The following HEPH variants were observed in gnomAD, a reference collection of about 807,000 sequenced individuals.
HEPH encodes the protein hephaestin.
Under a neutral mutation model 80.8 loss-of-function variants are expected in HEPH, and 69 were observed. The observed-to-expected ratio is 0.85, with a 90% CI of 0.70 to 1.04. The LOEUF is 1.04. Among genes scored for constraint, HEPH ranks in the 50% least tolerant of loss-of-function variants. The pLI is 0.00. For missense variants in HEPH, 1,115 were observed against 891.3 expected, an observed-to-expected ratio of 1.25 and a Z score of -3.20; for synonymous variants, 431 against 322.8, an observed-to-expected ratio of 1.34 and a Z score of -3.60.
intron 15 of HEPH, among the ~76,000 whole-genome samples, chrX:66,223,931 C>A (rs1344967013): frequency 6.3e-5 from 7 of 111,329 alleles, no homozygotes; most frequent in African/African-American, 2.3e-4. Context: ...ACATTTTTCT[C>A]TTTCACGACT....
chrX:66,260,411 G>T (rs1269806992), intron 19 of HEPH, 149 bp downstream of exon 19: 1 of 428,697 alleles, frequency 2.3e-6, no homozygotes, highest in African/African-American at 2.4e-5. Flanking sequence ...TCTAGGTATT[G>T]CCCCAACCAG....
chrX:66,214,972 A>G (rs1000502636), intron 15 of HEPH, among the ~76,000 whole-genome samples: 3 of 111,602 alleles, frequency 2.7e-5, no homozygotes, highest in Non-Finnish European at 5.7e-5. Flanking sequence ...TTATTTTTCC[A>G]TATAGATTTT....
At chrX:66,168,233 G>C (rs532499206) in intron 1 of HEPH, among the ~76,000 whole-genome samples, 2 of 111,911 alleles carry the variant, frequency 1.8e-5, no homozygotes, top group Admixed American at 9.5e-5. Flanking sequence ...ATTAACCCTT[G>C]GAGTAGGAAT....
chrX:66,223,989 A>T (rs2089768853), intron 15 of HEPH, among the ~76,000 whole-genome samples: 1 of 111,343 alleles, frequency 9.0e-6, no homozygotes, highest in South Asian at 3.7e-4. Flanking sequence ...CTTATTACAA[A>T]CATTTCTTTC....
At chrX:66,190,175 A>G (rs2087714677) in intron 6 of HEPH, among the ~76,000 whole-genome samples, 1 of 109,163 alleles carries the variant, frequency 9.2e-6, no homozygotes, top group African/African-American at 3.3e-5. Context: ...CATCTTGAAC[A>G]TAAGACAGCC....
chrX:66,234,295 T>TAA (rs1230423438), intron 15 of HEPH, among the ~76,000 whole-genome samples: 1 of 108,184 alleles, frequency 9.2e-6, no homozygotes, highest in South Asian at 3.9e-4. Flanking sequence ...CTTCTTTTTT[T>TAA]AAAAAAAAAA....
intron 15 of HEPH, among the ~76,000 whole-genome samples, chrX:66,251,519 A>AT (rs369514346): frequency 1.8e-4 from 20 of 110,199 alleles, no homozygotes; most frequent in South Asian, 3.8e-4. Flanking sequence ...TGTCCGTTCA[A>AT]TTTTTTTTTG....
intron 8 of HEPH, among the ~76,000 whole-genome samples, chrX:66,194,660 A>G (rs895409874): frequency 8.9e-6 from 1 of 111,754 alleles, no homozygotes; most frequent in African/African-American, 3.3e-5. Flanking sequence ...GATCTTAGAT[A>G]GGTCCACAAA....
chrX:66,188,639 T>C (rs1036142959), intron 5 of HEPH, 98 bp downstream of exon 5: 34 of 707,111 alleles, frequency 4.8e-5, no homozygotes, highest in Non-Finnish European at 3.5e-5. Flanking sequence ...TACATAGTCC[T>C]TTTTAGTCAT....
chrX:66,239,575 A>G (rs1422287361), intron 15 of HEPH, among the ~76,000 whole-genome samples: 1 of 111,249 alleles, frequency 9.0e-6, no homozygotes, highest in Non-Finnish European at 1.9e-5. Flanking sequence ...TAGATATTTT[A>G]ATTGTTGTTC....
At chrX:66,268,087 A>G (rs929388253), downstream of HEPH, 2 of 112,298 alleles carry the variant, frequency 1.8e-5, no homozygotes, top group Non-Finnish European at 3.8e-5. Flanking sequence ...ACAAAAGCTT[A>G]TGGACATTAA....
At chrX:66,222,505 GTTTGT>G (rs1343517358) in intron 15 of HEPH, among the ~76,000 whole-genome samples, 6 of 112,097 alleles carry the variant, frequency 5.4e-5, no homozygotes, top group Non-Finnish European at 1.1e-4. Context: ...AATTGCCAAA[GTTTGT>G]TTTAAGTCTT....
chrX:66,241,451 G>A (rs761858404), intron 15 of HEPH, among the ~76,000 whole-genome samples: 2 of 111,481 alleles, frequency 1.8e-5, no homozygotes, highest in African/African-American at 3.3e-5. Context: ...AAGAGCTGAG[G>A]TAGCTATTAT....
chrX:66,243,461 T>C (rs903441811), intron 15 of HEPH, among the ~76,000 whole-genome samples: 1 of 112,763 alleles, frequency 8.9e-6, no homozygotes, highest in Non-Finnish European at 1.9e-5. Flanking sequence ...GTTTAAAGTC[T>C]GTTTTGTCTG....
At chrX:66,199,912 T>C (rs890407522) in intron 11 of HEPH, among the ~76,000 whole-genome samples, 1 of 109,761 alleles carries the variant, frequency 9.1e-6, no homozygotes, top group Admixed American at 9.7e-5. Context: ...CAGAGAAAAA[T>C]AGAGCTCACA....
chrX:66,175,208 C>T (rs2086749729), intron 4 of HEPH, among the ~76,000 whole-genome samples: 1 of 111,858 alleles, frequency 8.9e-6, no homozygotes, highest in African/African-American at 3.2e-5. Flanking sequence ...CGTTAAGGAT[C>T]CAGTTTCTCT....
intron 19 of HEPH, among the ~76,000 whole-genome samples, chrX:66,260,811 G>A (rs867629236): frequency 1.8e-5 from 2 of 109,593 alleles, no homozygotes; most frequent in Non-Finnish European, 3.8e-5. Context: ...CTGTCACCCA[G>A]GCTGGAGTGC....
chrX:66,173,810 C>T lies in HEPH; in HGVS notation c.625+9C>T. On this transcript the variant is annotated intron_variant, in intron 4 of 20. Transcript: ENST00000343002. ...CATCACCTGTAAAAGAGGTACAGGT[C>T]CCAAGGATAAGCTATGAGGTGTAGT... 3 of 1,146,985 alleles carry T rather than the reference C, an allele frequency of 2.6e-6. No individual in the cohort carries two copies. The highest frequency in any genetic ancestry group is 2.5e-5 in the Admixed American group (1 of 40,315). 94.5% of individuals were successfully genotyped at this position (1,146,985 alleles called of 1,213,427 possible).
Position 66,266,872 on chromosome X carries a change from C to T in HEPH, c.*200C>T. 2.4e-6 allele frequency: 1 copy of T among 411,350 alleles called. No homozygotes were observed. The highest frequency in any genetic ancestry group is 4.2e-6 in the Non-Finnish European group (1 of 237,970). The allele number at this position is 411,350 out of a possible 1,213,427, so 33.9% of individuals were successfully genotyped here. A position where few individuals can be genotyped will look rare whatever the true frequency, so the allele number is the denominator to read the frequency against. On this transcript the variant is annotated 3_prime_UTR_variant, in exon 21 of 21. Coordinates refer to ENST00000343002, the MANE Select transcript of HEPH (RefSeq NM_001367233.3). ...TTTCACTTTTTCTTTAGTTTCTTTG[C>T]TCTACGTGGGCACCTGGCACTAAGG...
Sources: allele counts gnomAD v4.1 joint callset (sites outside exome capture counted in the v4.1 genomes callset), GRCh38; gene constraint gnomAD v4.1.1; transcripts MANE v1.5; gene names NCBI Gene and HGNC (gene_info 2026-07-23, HGNC 2026-07-21).